The following PRKG1 variants were observed in gnomAD, a reference collection of about 807,000 sequenced individuals.
PRKG1 encodes protein kinase cGMP-dependent 1, also known as cGMP-dependent protein kinase 1.
Under a neutral mutation model 88.1 loss-of-function variants are expected in PRKG1, and 35 were observed. The ratio of observed to expected loss-of-function variants is 0.40; its 90% confidence interval spans 0.30 to 0.53. The LOEUF (loss-of-function observed/expected upper bound fraction) is 0.53, where lower values mean the gene tolerates loss of function less well. PRKG1 is among the 20% of genes least tolerant of loss of function. The probability of loss-of-function intolerance (pLI) is 0.59; values close to 1 mark genes in which losing one functional copy is unlikely to be tolerated. For synonymous variants in PRKG1, 303 were observed against 292.5 expected (o/e 1.04, Z -0.37); for missense variants, 540 against 839.8 (o/e 0.64, Z 4.41).
At chr10:51,927,695 T>C (rs1013083907) in intron 5 of PRKG1, among the ~76,000 whole-genome samples, 1 of 152,148 alleles carries the variant, frequency 6.6e-6, no homozygotes. Context: ...TTCCTATCTC[T>C]GCAGTGCTTT....
chr10:51,124,842 C>T (rs1181508307), intron 1 of PRKG1, among the ~76,000 whole-genome samples: 1 of 152,180 alleles, frequency 6.6e-6, no homozygotes, highest in Non-Finnish European at 1.5e-5. Context: ...CCTCCCTGAA[C>T]TCTTGGGCAA....
At chr10:51,941,805 A>G (rs1842915324) in intron 5 of PRKG1, among the ~76,000 whole-genome samples, 1 of 151,870 alleles carries the variant, frequency 6.6e-6, no homozygotes, top group Non-Finnish European at 1.5e-5. Flanking sequence ...ATGGCTGCAT[A>G]GTATTCCATG....
intron 1 of PRKG1, among the ~76,000 whole-genome samples, chr10:51,106,005 A>C (rs894190049): frequency 3.3e-5 from 5 of 152,238 alleles, no homozygotes; most frequent in African/African-American, 1.2e-4. Context: ...ATGAGCAATC[A>C]GGGTTCTGTT....
chr10:51,796,413 A>G (rs1013401043), intron 3 of PRKG1, among the ~76,000 whole-genome samples: 4 of 152,118 alleles, frequency 2.6e-5, no homozygotes, highest in Admixed American at 6.6e-5. Flanking sequence ...GTTATTTTAC[A>G]TACTTTTTTC....
intron 2 of PRKG1, among the ~76,000 whole-genome samples, chr10:51,377,596 T>G (rs542632636): frequency 2.7e-5 from 4 of 150,788 alleles, no homozygotes; most frequent in Non-Finnish European, 1.5e-5. Flanking sequence ...TTATCCCACA[T>G]GGTGTTTTTT....
intron 3 of PRKG1, among the ~76,000 whole-genome samples, chr10:51,570,187 G>C (rs965008757): frequency 3.3e-5 from 5 of 151,010 alleles, no homozygotes; most frequent in Non-Finnish European, 5.9e-5. Flanking sequence ...AGTTGGATCT[G>C]TCCCCCCGCA....
chr10:52,189,171 T>A (rs1839297839), intron 9 of PRKG1, among the ~76,000 whole-genome samples: 1 of 152,182 alleles, frequency 6.6e-6, no homozygotes, highest in South Asian at 2.1e-4. Flanking sequence ...AGGAAGGATA[T>A]CATTCATGTA....
At chr10:51,182,167 T>C (rs1275746730) in intron 2 of PRKG1, among the ~76,000 whole-genome samples, 19 of 152,194 alleles carry the variant, frequency 1.2e-4, no homozygotes. Flanking sequence ...CAAAAGTGCT[T>C]CTCTTTTTCA....
intron 2 of PRKG1, among the ~76,000 whole-genome samples, chr10:51,398,033 G>T (rs746118683): frequency 1.3e-5 from 2 of 152,050 alleles, no homozygotes; most frequent in Non-Finnish European, 2.9e-5. Flanking sequence ...CTTACCTTCC[G>T]CCACTCACCC....
chr10:51,455,301 G>C (rs1166124888), intron 2 of PRKG1, among the ~76,000 whole-genome samples: 1 of 152,264 alleles, frequency 6.6e-6, no homozygotes, highest in Non-Finnish European at 1.5e-5. Context: ...CTCCAGGCCT[G>C]TGATGGGAGG....
At chr10:51,805,816 A>G (rs999819376) in intron 4 of PRKG1, among the ~76,000 whole-genome samples, 2 of 152,062 alleles carry the variant, frequency 1.3e-5, no homozygotes, top group Non-Finnish European at 2.9e-5. Flanking sequence ...ATTCATGCTA[A>G]AGGGGTAATA....
chr10:51,448,333 T>C (rs1301895580), intron 2 of PRKG1, among the ~76,000 whole-genome samples: 1 of 152,100 alleles, frequency 6.6e-6, no homozygotes, highest in African/African-American at 2.4e-5. Context: ...TAGGGATTTT[T>C]GTTTATTCTG....
intron 5 of PRKG1, among the ~76,000 whole-genome samples, chr10:51,934,769 G>C (rs1362437304): frequency 6.6e-6 from 1 of 152,180 alleles, no homozygotes; most frequent in African/African-American, 2.4e-5. Context: ...GATTGCTTCA[G>C]TATTTTTAGT....
At chr10:51,561,296 C>T (rs1837454829) in intron 3 of PRKG1, among the ~76,000 whole-genome samples, 1 of 151,982 alleles carries the variant, frequency 6.6e-6, no homozygotes, top group East Asian at 1.9e-4. Flanking sequence ...TGCCACTGCA[C>T]TCCAGCCTGG....
At chr10:52,252,802 A>T (rs563796808) in intron 10 of PRKG1, 1 of 151,942 alleles carries the variant, frequency 6.6e-6, no homozygotes, top group East Asian at 1.9e-4. Context: ...TTGAAAGTCC[A>T]TAGTGTGCCT....
chr10:50,999,265 T>G (rs1242243466), intron 1 of PRKG1, among the ~76,000 whole-genome samples: 2 of 152,312 alleles, frequency 1.3e-5, no homozygotes, highest in East Asian at 3.9e-4. Flanking sequence ...TTGGATTGAT[T>G]TTGTTATGTA....
intron 2 of PRKG1, among the ~76,000 whole-genome samples, chr10:51,432,907 G>A (rs1336445858): frequency 1.3e-5 from 2 of 152,056 alleles, no homozygotes; most frequent in African/African-American, 2.4e-5. Context: ...CTCTTTCTAG[G>A]TCTGAATAGA....
chr10:51,775,223 T>G (rs1838403118), intron 3 of PRKG1, among the ~76,000 whole-genome samples: 1 of 152,148 alleles, frequency 6.6e-6, no homozygotes, highest in Non-Finnish European at 1.5e-5. Context: ...CAAAATCTAT[T>G]CTGGTAGTGA....
At chr10:51,683,508 C>T (rs1840903485) in intron 3 of PRKG1, among the ~76,000 whole-genome samples, 1 of 152,238 alleles carries the variant, frequency 6.6e-6, no homozygotes, top group South Asian at 2.1e-4. Flanking sequence ...TGCAAATCCA[C>T]TGGCAGGGAG....
Sources: gnomAD v4.1 joint callset for allele counts (sites outside exome capture counted in the v4.1 genomes callset) on GRCh38, gnomAD v4.1.1 for gene constraint, MANE v1.5 for transcripts, NCBI Gene and HGNC (gene_info 2026-07-23, HGNC 2026-07-21) for gene names.